The following ZNF730 variants were observed in gnomAD, a reference collection of about 807,000 sequenced individuals.
ZNF730 encodes zinc finger protein 730.
A neutral mutation model predicts 12.6 loss-of-function variants in ZNF730; 12 were observed. The ratio of observed to expected loss-of-function variants is 0.95; its 90% CI spans 0.61 to 1.54. The LOEUF is 1.54. Among genes scored for constraint, ZNF730 ranks in the 40% most tolerant of loss-of-function variants. The pLI, the probability that ZNF730 is intolerant of heterozygous loss-of-function variation, is 0.00. For missense variants in ZNF730, 643 were observed against 583.5 expected (o/e 1.10, Z -1.05); for synonymous variants, 194 against 195.8 (o/e 0.99, Z 0.08).
intron 1 of ZNF730, among the ~76,000 whole-genome samples, chr19:23,130,986 C>T (rs1242372396): frequency 2.6e-5 from 4 of 152,134 alleles, no homozygotes; most frequent in Non-Finnish European, 5.9e-5. Flanking sequence ...AGAGCTGGTG[C>T]TCACAATTTT....
rs1183329819 is a variant in ZNF730 at position 23,101,557 on chromosome 19, G to C, written c.-94+26170G>C. Reference sequence around the variant, plus strand: ...GTATGCATCTGCTACCCACCTTAGTGATTTGACTTTGCTGCCTTGGCCCAG... The same window carrying C: ...GTATGCATCTGCTACCCACCTTAGTCATTTGACTTTGCTGCCTTGGCCCAG... On this transcript the variant is annotated intron_variant, in intron 1 of 2. Coordinates refer to the ZNF730 transcript ENST00000593635. 2.0e-5 allele frequency among the ~76,000 whole-genome samples: 3 copies of C among 152,300 alleles called. No homozygotes were observed. The East Asian group carries it at 5.8e-4, about 29-fold the overall frequency.
intron 1 of ZNF730, among the ~76,000 whole-genome samples, chr19:23,107,176 T>G (rs1165279454): frequency 6.6e-6 from 1 of 151,308 alleles, no homozygotes; most frequent in Non-Finnish European, 1.5e-5. Context: ...GATTTTCATG[T>G]TTGAGCCTCC....
chr19:23,123,008 A>G lies in ZNF730; in HGVS notation c.3+5832A>G, dbSNP rs140812373. Among the ~76,000 whole-genome samples, 4 of 152,338 alleles carry G rather than the reference A, an allele frequency of 2.6e-5. No individual in the cohort carries two copies. The East Asian group carries it at 7.7e-4, about 29-fold the overall frequency. Reference sequence around the variant, plus strand: ...GCTTATTAATTTATCCAATAGGATAATTATAGGTAAGCATTGTTTTAGTGT... The same window carrying G: ...GCTTATTAATTTATCCAATAGGATAGTTATAGGTAAGCATTGTTTTAGTGT... On this transcript the variant is annotated intron_variant, in intron 1 of 3. Transcript: ENST00000597761.
chr19:23,126,409 G>A (rs1022507111), intron 1 of ZNF730, among the ~76,000 whole-genome samples: 8 of 152,224 alleles, frequency 5.3e-5, no homozygotes, highest in African/African-American at 1.9e-4. Flanking sequence ...GGCATCGCCT[G>A]TACATGGTGC....
intron 1 of ZNF730, among the ~76,000 whole-genome samples, chr19:23,094,036 G>C (rs1970202858): frequency 6.6e-6 from 1 of 152,190 alleles, no homozygotes; most frequent in Non-Finnish European, 1.5e-5. Flanking sequence ...AGATCCAGCA[G>C]AGGGTGCGAT....
At chr19:23,075,989 T>A (rs1969852737) in intron 1 of ZNF730, among the ~76,000 whole-genome samples, 1 of 152,084 alleles carries the variant, frequency 6.6e-6, no homozygotes, top group Non-Finnish European at 1.5e-5. Context: ...TCCTGCTGTT[T>A]AATTATTTTA....
Position 23,145,643 on chromosome 19 carries a change from C to T in ZNF730, c.599C>T (p.Ser200Phe), listed in dbSNP as rs1175982243. The change falls in exon 4 of 4, where the codon TCC becomes TTC. Residue 200 changes from serine to phenylalanine, a missense_variant. Physicochemically the swap from Ser to Phe is radical, Grantham distance 155. Coordinates refer to ENST00000597761, the MANE Select transcript of ZNF730 (RefSeq NM_001277403.2). ...QHKKIHTGEKSYKCEEYGKAF... is the reference protein window; with the variant it reads ...QHKKIHTGEKFYKCEEYGKAF... ...AAAAAAATTCATACTGGAGAGAAAT[C>T]CTACAAATGTGAAGAATATGGCAAA... The T allele has an allele frequency of 2.6e-6, 4 of 1,552,658 alleles. No homozygotes were observed. The highest frequency in any genetic ancestry group is 3.5e-6 in the Non-Finnish European group (4 of 1,150,368).
Position 23,132,790 on chromosome 19 carries a change from A to G in ZNF730, c.4-1290A>G, listed in dbSNP as rs189405859. Among the ~76,000 whole-genome samples the G allele has an allele frequency of 1.0e-3, 157 of 152,372 alleles. 3 individuals are homozygous for G. The highest frequency in any genetic ancestry group is 9.5e-3 in the Admixed American group (146 of 15,304). On this transcript the variant is annotated intron_variant, in intron 1 of 3. Transcript: ENST00000597761. The stretch of plus-strand genomic sequence containing the variant: ...CATTTATTACCCAGTAAGTTCTGAA[A>G]AAAATTATTAGGAGATACTTGTTCT...
chr19:23,114,300 C>CTTTTTTTTTTTTTTTTTTTTTTTTTTTT (rs11413226), upstream of ZNF730, among the ~76,000 whole-genome samples: 5 of 119,526 alleles, frequency 4.2e-5, 1 homozygote, highest in African/African-American at 1.7e-4. Flanking sequence ...TTTTCTTTTT[C>CTTTTTTTTTTTTTTTTTTTTTTTTTTTT]TTTTCTTTTT....
In ZNF730 at chr19:23,133,843, A is replaced by T. The variant is rs539653589; in HGVS notation, c.4-237A>T. Among the ~76,000 whole-genome samples the T allele has an allele frequency of 1.1e-3, 169 of 152,246 alleles. 1 individual carries two copies. Among genetic ancestry groups the T allele is most frequent in the African/African-American group, 4.0e-3 (165 of 41,566 alleles). Reference sequence around the variant, plus strand: ...GTTAGTGTTCATGTCTTACTTCATCATCTGGAAAAGTATCATATAAATACT... The same window carrying T: ...GTTAGTGTTCATGTCTTACTTCATCTTCTGGAAAAGTATCATATAAATACT... On this transcript the variant is annotated intron_variant, in intron 1 of 3. Transcript: ENST00000597761.
chr19:23,121,185 T>G (rs1206008400), intron 1 of ZNF730, among the ~76,000 whole-genome samples: 1 of 149,152 alleles, frequency 6.7e-6, no homozygotes, highest in African/African-American at 2.5e-5. Flanking sequence ...AGATTTCAGA[T>G]GGAGAGTGTT....
intron 1 of ZNF730, among the ~76,000 whole-genome samples, chr19:23,111,252 C>T (rs1386479311): frequency 6.6e-6 from 1 of 152,162 alleles, no homozygotes; most frequent in African/African-American, 2.4e-5. Context: ...TTGTACATTT[C>T]TGCTACCTGA....
intron 1 of ZNF730, among the ~76,000 whole-genome samples, chr19:23,097,514 A>G (rs1052306339): frequency 3.9e-5 from 6 of 152,158 alleles, no homozygotes; most frequent in African/African-American, 1.4e-4. Context: ...CGCCTTCAAA[A>G]GGCATTGTGA....
chr19:23,106,604 C>T (rs1055607417), intron 1 of ZNF730, among the ~76,000 whole-genome samples: 7 of 151,946 alleles, frequency 4.6e-5, no homozygotes, highest in Admixed American at 2.0e-4. Flanking sequence ...CTAGCCTGAC[C>T]AACATGGAGA....
At position 23,135,948 on chromosome 19, in the gene ZNF730, G is replaced by A. The variant is rs1970825245; in HGVS notation, c.131G>A (p.Gly44Asp). 6.2e-7 allele frequency: 1 copy of A among 1,608,268 alleles called. No homozygotes were observed. The highest frequency in any genetic ancestry group is 1.3e-5 in the African/African-American group (1 of 74,754). Residue 44 changes from glycine to aspartate, a missense_variant and splice_region_variant, in exon 3 of 4, where the codon GGT becomes GAT. Transcript: ENST00000597761. The part of the protein sequence containing the change: ...LDNYRNLVFL[G>D]IAVSKPDLIT... ...ATTCATGTTATTTTTCATAAAACAGGTATTGCTGTCTCAAAGCCAGACCTG... is the reference window on the plus strand; with the variant it reads ...ATTCATGTTATTTTTCATAAAACAGATATTGCTGTCTCAAAGCCAGACCTG...
chr19:23,103,382 C>T (rs1406231410), intron 1 of ZNF730, among the ~76,000 whole-genome samples: 1 of 152,152 alleles, frequency 6.6e-6, no homozygotes, highest in Non-Finnish European at 1.5e-5. Context: ...ACAAGGTACT[C>T]GTAATGCACT....
At chr19:23,080,795 T>C (rs1055889403) in intron 1 of ZNF730, among the ~76,000 whole-genome samples, 7 of 152,108 alleles carry the variant, frequency 4.6e-5, no homozygotes, top group Admixed American at 1.3e-4. Context: ...ATAGATTTTA[T>C]GTTAAAGCCT....
chr19:23,088,743 G>C (rs1382071435), intron 1 of ZNF730, among the ~76,000 whole-genome samples: 1 of 152,204 alleles, frequency 6.6e-6, no homozygotes, highest in Non-Finnish European at 1.5e-5. Context: ...GGGATTACAG[G>C]TGTGAGCCAC....
intron 1 of ZNF730, among the ~76,000 whole-genome samples, chr19:23,120,937 C>T (rs1970590985): frequency 6.6e-6 from 1 of 152,122 alleles, no homozygotes; most frequent in South Asian, 2.1e-4. Flanking sequence ...TTAATTTCTA[C>T]CTTAATTTCA....
Sources: allele counts gnomAD v4.1 joint callset (sites outside exome capture counted in the v4.1 genomes callset), GRCh38; gene constraint gnomAD v4.1.1; transcripts MANE v1.5; gene names NCBI Gene and HGNC (gene_info 2026-07-23, HGNC 2026-07-21).